Variants in CAMK2B observed in about 807,000 individuals in gnomAD.
The protein encoded by CAMK2B is calcium/calmodulin dependent protein kinase II beta, also known as calcium/calmodulin-dependent protein kinase type II subunit beta.
CAMK2B carries 27 observed loss-of-function variants against 93.7 expected under a neutral mutation model. The ratio of observed to expected loss-of-function variants is 0.29; its 90% CI spans 0.21 to 0.40. The LOEUF (loss-of-function observed/expected upper bound fraction) is 0.40, where lower values mean the gene tolerates loss of function less well. Among genes scored for constraint, CAMK2B ranks in the 10% least tolerant of loss-of-function variants. CAMK2B has a pLI of 1.00. For missense variants in CAMK2B, 568 were observed against 895.8 expected (o/e 0.63, Z 4.67); for synonymous variants, 374 against 358.8 (o/e 1.04, Z -0.48).
intron 15 of CAMK2B, 91 bp from the exon 16 acceptor site, chr7:44,232,957 G>A: frequency 8.5e-7 from 1 of 1,182,764 alleles, no homozygotes; most frequent in South Asian, 1.3e-5. Context: ...CAGGGAGACA[G>A]AGGAGGTGTG....
intron 2 of CAMK2B, among the ~76,000 whole-genome samples, chr7:44,281,344 G>A (rs1461298631): frequency 2.6e-5 from 4 of 152,174 alleles, no homozygotes; most frequent in African/African-American, 9.7e-5. Flanking sequence ...TGCTCCCTGG[G>A]GCCAGGAGGA....
At chr7:44,251,892 C>T (rs535843908) in intron 5 of CAMK2B, among the ~76,000 whole-genome samples, 12 of 152,292 alleles carry the variant, frequency 7.9e-5, no homozygotes, top group African/African-American at 2.2e-4. Flanking sequence ...AAATCCCTCA[C>T]TTCTCCCCTC....
chr7:44,325,312 C>T (rs779528332), intron 1 of CAMK2B, 45 bp downstream of exon 1: 29 of 1,127,514 alleles, frequency 2.6e-5, no homozygotes, highest in Non-Finnish European at 3.2e-5. Flanking sequence ...GAGGTCCCGG[C>T]CCTCTGGGGT....
intron 1 of CAMK2B, among the ~76,000 whole-genome samples, chr7:44,294,880 T>C (rs967955744): frequency 6.6e-6 from 1 of 152,156 alleles, no homozygotes; most frequent in Admixed American, 6.5e-5. Flanking sequence ...CTGAGTCAGA[T>C]ACACATGGGG....
intron 1 of CAMK2B, among the ~76,000 whole-genome samples, chr7:44,298,406 C>A (rs957246939): frequency 6.6e-5 from 10 of 152,116 alleles, no homozygotes; most frequent in African/African-American, 2.4e-4. Context: ...GAATCAAAGA[C>A]CTAAATTTAA....
chr7:44,250,876 G>C (rs1213891151), intron 5 of CAMK2B, among the ~76,000 whole-genome samples: 1 of 152,126 alleles, frequency 6.6e-6, no homozygotes, highest in Non-Finnish European at 1.5e-5. Context: ...TAAATGTTTT[G>C]TACTTTGCTT....
In CAMK2B at chr7:44,242,288, T is replaced by G; in HGVS notation, c.749A>C (p.Asn250Thr). The G allele has an allele frequency of 6.2e-7, 1 of 1,614,004 alleles. No individual in the cohort carries two copies. Among genetic ancestry groups the G allele is most frequent in the East Asian group, 2.2e-5 (1 of 44,866 alleles). ...TVTPEAKNLI[N>T]QMLTINPAKR... ...GGCAGGGTTGATGGTCAGCATCTGG[T>G]TGATGAGGTTTTTGGCTTCAGGAGT... The change falls in exon 10 of 24, where the codon AAC (asparagine) becomes ACC (threonine). Residue 250 changes from asparagine (N) to threonine (T), a missense_variant. Coordinates refer to ENST00000395749, the MANE Select transcript of CAMK2B (RefSeq NM_001220.5).
chr7:44,256,236 G>A (rs576397520), intron 4 of CAMK2B, among the ~76,000 whole-genome samples: 5 of 152,348 alleles, frequency 3.3e-5, no homozygotes, highest in South Asian at 4.1e-4. Flanking sequence ...TCATCTGGCC[G>A]GGCTCCTGAG....
chr7:44,270,864 C>T (rs2096967929), intron 2 of CAMK2B, among the ~76,000 whole-genome samples: 1 of 152,228 alleles, frequency 6.6e-6, no homozygotes, highest in South Asian at 2.1e-4. Context: ...GTGACCTGCA[C>T]ACCTGTCTCA....
chr7:44,280,127 G>A (rs755435762), intron 2 of CAMK2B, among the ~76,000 whole-genome samples: 1 of 152,194 alleles, frequency 6.6e-6, no homozygotes, highest in Non-Finnish European at 1.5e-5. Flanking sequence ...CCGAGGTCTC[G>A]CACAATTGAG....
At chr7:44,269,807 A>G (rs10252192) in intron 2 of CAMK2B, among the ~76,000 whole-genome samples, 2 of 151,920 alleles carry the variant, frequency 1.3e-5, no homozygotes, top group Non-Finnish European at 2.9e-5. Flanking sequence ...AGGAGGCCCA[A>G]CGGGTAAGCT....
At chr7:44,247,233 G>A (rs928048778) in intron 5 of CAMK2B, 41 bp from the exon 6 acceptor site, 2 of 1,570,286 alleles carry the variant, frequency 1.3e-6, no homozygotes, top group African/African-American at 1.4e-5. Context: ...GTGGCCCTGG[G>A]GAGCAGCAAG....
chr7:44,294,493 G>A lies in CAMK2B; in HGVS notation c.66-10268C>T, dbSNP rs141863302. On this transcript the variant is annotated intron_variant, in intron 1 of 23. Coordinates refer to ENST00000395749, the MANE Select transcript of CAMK2B (RefSeq NM_001220.5). ...GGAGTGCTGGGGCTTGGCTGCATGTGCCCTGTGATTGATTGGCAATGTCTG... is the reference window on the plus strand; with the variant it reads ...GGAGTGCTGGGGCTTGGCTGCATGTACCCTGTGATTGATTGGCAATGTCTG... 2.5e-4 allele frequency among the ~76,000 whole-genome samples: 38 copies of A among 152,286 alleles called. No homozygotes were observed. The East Asian group carries it at 7.0e-3, about 28-fold the overall frequency.
chr7:44,250,583 G>T (rs917341446), intron 5 of CAMK2B, among the ~76,000 whole-genome samples: 1 of 146,556 alleles, frequency 6.8e-6, no homozygotes, highest in Admixed American at 6.9e-5. Context: ...AGGCTGGAGT[G>T]CAGTGGCGCG....
intron 1 of CAMK2B, among the ~76,000 whole-genome samples, chr7:44,297,289 G>T (rs1408736200): frequency 6.6e-6 from 1 of 150,758 alleles, no homozygotes; most frequent in Non-Finnish European, 1.5e-5. Flanking sequence ...CCACAGAAGA[G>T]AAAGAGAAAG....
chr7:44,282,380 G>T (rs2097109035), intron 2 of CAMK2B, among the ~76,000 whole-genome samples: 1 of 152,250 alleles, frequency 6.6e-6, no homozygotes, highest in Admixed American at 6.5e-5. Flanking sequence ...GGGCAGAAGG[G>T]ACACCCAGGC....
intron 6 of CAMK2B, among the ~76,000 whole-genome samples, chr7:44,243,992 C>G (rs535009962): frequency 6.6e-6 from 1 of 152,304 alleles, no homozygotes; most frequent in East Asian, 1.9e-4. Flanking sequence ...CTGTTTCTCA[C>G]TCCTCAGAGA....
chr7:44,276,570 G>A (rs1190196485), intron 2 of CAMK2B, among the ~76,000 whole-genome samples: 3 of 152,274 alleles, frequency 2.0e-5, no homozygotes, highest in East Asian at 1.9e-4. Flanking sequence ...TGTCCATCAT[G>A]CCTTTGGGCA....
chr7:44,272,332 G>A, intron 2 of CAMK2B, among the ~76,000 whole-genome samples: 1 of 152,114 alleles, frequency 6.6e-6, no homozygotes, highest in Non-Finnish European at 1.5e-5. Context: ...GGGGTAGGCG[G>A]TGGAGGCAGA....
Sources: allele counts gnomAD v4.1 joint callset (sites outside exome capture counted in the v4.1 genomes callset), GRCh38; gene constraint gnomAD v4.1.1; transcripts MANE v1.5; gene names NCBI Gene and HGNC (gene_info 2026-07-23, HGNC 2026-07-21).